LRRC69: variants seen among roughly 807,000 people sequenced by gnomAD.
LRRC69 encodes leucine-rich repeat-containing protein 69.
Under a neutral mutation model 37.8 loss-of-function variants are expected in LRRC69, and 42 were observed. That is an observed-to-expected ratio of 1.11 (90% CI 0.87 to 1.44). The LOEUF (loss-of-function observed/expected upper bound fraction) is 1.44. LRRC69 is among the 40% of genes most tolerant of loss of function. The pLI is 0.00. For synonymous variants in LRRC69, 141 were observed against 143.1 expected (o/e 0.99, Z 0.11); for missense variants, 357 against 401.9 (o/e 0.89, Z 0.96).
rs1011111043 is a variant in LRRC69, at chr8:91,173,332, A to G, written c.652-16190A>G. ...GGTAAAAGCTCTTCCTTGGGCTTCC[A>G]TATTCATCCTGGGTCAATGCTTCCT... On this transcript the variant is annotated intron_variant, in intron 5 of 7. Coordinates refer to ENST00000448384, the Ensembl canonical transcript of LRRC69. Among the ~76,000 whole-genome samples, 3 of 150,902 alleles carry G rather than the reference A, an allele frequency of 2.0e-5. No individual in the cohort carries two copies. The Admixed American group carries it at 2.0e-4, about 10-fold the overall frequency.
chr8:91,174,570 G>T (rs1257898669), intron 5 of LRRC69, among the ~76,000 whole-genome samples: 1 of 152,138 alleles, frequency 6.6e-6, no homozygotes, highest in Admixed American at 6.5e-5. Context: ...TCACAATTAG[G>T]TTTCAAACTA....
At chr8:91,212,153 A>G (rs2130647398) in intron 7 of LRRC69, among the ~76,000 whole-genome samples, 1 of 152,324 alleles carries the variant, frequency 6.6e-6, no homozygotes, top group East Asian at 1.9e-4. Flanking sequence ...TACTAATGAT[A>G]TAAATCTTTG....
chr8:91,189,154 T>G (rs1269218971), intron 5 of LRRC69, among the ~76,000 whole-genome samples: 1 of 152,230 alleles, frequency 6.6e-6, no homozygotes, highest in African/African-American at 2.4e-5. Flanking sequence ...TTTTTTGTTA[T>G]GCTTGGTTTT....
chr8:91,187,897 C>T (rs1809430828), intron 5 of LRRC69, among the ~76,000 whole-genome samples: 1 of 152,152 alleles, frequency 6.6e-6, no homozygotes, highest in Non-Finnish European at 1.5e-5. Flanking sequence ...TTTACTTATT[C>T]CTTCTTTCTC....
At chr8:91,197,268 G>A (rs925227791) in intron 6 of LRRC69, among the ~76,000 whole-genome samples, 1 of 152,168 alleles carries the variant, frequency 6.6e-6, no homozygotes, top group African/African-American at 2.4e-5. Flanking sequence ...GGACATTTAA[G>A]TCTGCAGAGG....
intron 5 of LRRC69, among the ~76,000 whole-genome samples, chr8:91,164,445 C>T (rs1214763483): frequency 1.3e-5 from 2 of 151,540 alleles, no homozygotes; most frequent in Non-Finnish European, 2.9e-5. Context: ...TCAGAACCTT[C>T]AAAGATGGCC....
chr8:91,182,591 A>G (rs2130600520), intron 5 of LRRC69, among the ~76,000 whole-genome samples: 1 of 152,304 alleles, frequency 6.6e-6, no homozygotes, highest in South Asian at 2.1e-4. Flanking sequence ...GGAACCTATA[A>G]TTATTATTCC....
chr8:91,109,440 A>C (rs1219124982), intron 1 of LRRC69, among the ~76,000 whole-genome samples: 1 of 152,108 alleles, frequency 6.6e-6, no homozygotes, highest in Non-Finnish European at 1.5e-5. Flanking sequence ...TTTACATAGA[A>C]AATTTTAGCC....
intron 2 of LRRC69, among the ~76,000 whole-genome samples, chr8:91,126,730 G>A (rs969885839): frequency 4.6e-5 from 7 of 152,060 alleles, no homozygotes; most frequent in African/African-American, 7.2e-5. Context: ...AAGAGAGAGC[G>A]GGTAAGATAT....
At chr8:91,148,994 A>C (rs36159981) in intron 5 of LRRC69, among the ~76,000 whole-genome samples, 1 of 150,158 alleles carries the variant, frequency 6.7e-6, no homozygotes, top group African/African-American at 2.4e-5. Context: ...CCCTTTGTCA[A>C]ATGAGTAGAT....
chr8:91,108,675 T>C (rs1395833271), intron 1 of LRRC69, among the ~76,000 whole-genome samples: 1 of 152,064 alleles, frequency 6.6e-6, no homozygotes, highest in Non-Finnish European at 1.5e-5. Context: ...CGGCTTTGAA[T>C]GTGGCCCAAC....
chr8:91,109,767 A>G (rs2130477911), intron 1 of LRRC69, among the ~76,000 whole-genome samples: 1 of 152,158 alleles, frequency 6.6e-6, no homozygotes, highest in African/African-American at 2.4e-5. Flanking sequence ...TGGCCATGGA[A>G]ACTTCCCCTC....
intron 5 of LRRC69, chr8:91,158,316 A>C: frequency 1.4e-6 from 2 of 1,481,372 alleles, no homozygotes; most frequent in Admixed American, 3.4e-5. Flanking sequence ...AAGAAACTGG[A>C]ATTTACCCTT....
intron 6 of LRRC69, among the ~76,000 whole-genome samples, chr8:91,190,439 C>A (rs1026948968): frequency 6.6e-6 from 1 of 151,750 alleles, no homozygotes; most frequent in Non-Finnish European, 1.5e-5. Flanking sequence ...CAAAAAAAAG[C>A]CAATAGAAGT....
intron 6 of LRRC69, among the ~76,000 whole-genome samples, chr8:91,192,150 C>G (rs1295640095): frequency 6.6e-6 from 1 of 152,026 alleles, no homozygotes; most frequent in African/African-American, 2.4e-5. Context: ...CCAATTTCAT[C>G]CATGTCCCTA....
chr8:91,187,752 C>T (rs1234779245), intron 5 of LRRC69, among the ~76,000 whole-genome samples: 1 of 152,206 alleles, frequency 6.6e-6, no homozygotes, highest in Admixed American at 6.5e-5. Context: ...TGTCTGACTC[C>T]TTCAACCATC....
intron 5 of LRRC69, among the ~76,000 whole-genome samples, chr8:91,178,442 G>A (rs895755079): frequency 3.9e-5 from 6 of 152,040 alleles, no homozygotes; most frequent in South Asian, 2.1e-4. Context: ...GAGCTTCAGG[G>A]GCAATCCAAT....
intron 5 of LRRC69, among the ~76,000 whole-genome samples, chr8:91,155,339 T>G (rs1462309280): frequency 1.3e-5 from 2 of 150,978 alleles, no homozygotes; most frequent in Admixed American, 1.3e-4. Flanking sequence ...TTTAAAAAAT[T>G]TTTAAGCAAC....
intron 5 of LRRC69, chr8:91,157,428 A>G: frequency 1.9e-6 from 3 of 1,607,192 alleles, no homozygotes; most frequent in Non-Finnish European, 1.7e-6. Context: ...CTAAAGATAT[A>G]TTCACTGGGC....
Sources: allele counts gnomAD v4.1 joint callset (sites outside exome capture counted in the v4.1 genomes callset), GRCh38; gene constraint gnomAD v4.1.1; transcripts MANE v1.5; gene names NCBI Gene and HGNC (gene_info 2026-07-23, HGNC 2026-07-21).